PCDH11X: variants seen among roughly 807,000 people sequenced by gnomAD.
The protein encoded by PCDH11X is protocadherin-11 X-linked.
Under a neutral mutation model 53.3 loss-of-function variants are expected in PCDH11X, and 18 were observed. That is an observed-to-expected ratio of 0.34 (90% CI 0.23 to 0.50). The LOEUF is 0.50. PCDH11X is among the 20% of genes least tolerant of loss of function. The pLI is 0.98. For missense variants in PCDH11X, 570 were observed against 1,032.4 expected, an observed-to-expected ratio of 0.55 and a Z score of 6.14; for synonymous variants, 279 against 393.3, an observed-to-expected ratio of 0.71 and a Z score of 3.44.
At position 92,262,353 on chromosome X, in the gene PCDH11X, T is replaced by C. The variant is rs2067735785; in HGVS notation, c.3115-761T>C. Among the ~76,000 whole-genome samples, 4 of 111,749 alleles carry C rather than the reference T, an allele frequency of 3.6e-5. No homozygotes were observed. The South Asian group carries it at 1.5e-3, about 42-fold the overall frequency. On this transcript the variant is annotated intron_variant, in intron 7 of 10. Transcript: ENST00000682573. ...ACAGACTTTCAGGAGCATCATTAGCTGGAAATGTTGACATTTGATTCACTT... is the reference window on the plus strand; with the variant it reads ...ACAGACTTTCAGGAGCATCATTAGCCGGAAATGTTGACATTTGATTCACTT...
intron 9 of PCDH11X, 113 bp from the exon 10 acceptor site, chrX:92,468,186 G>A (rs2073193508): frequency 2.2e-6 from 2 of 916,807 alleles, no homozygotes; most frequent in African/African-American, 4.1e-5. Context: ...AAGTGAAGTA[G>A]AAAATATATT....
intron 6 of PCDH11X, among the ~76,000 whole-genome samples, chrX:92,038,481 G>T (rs140511860): frequency 8.9e-6 from 1 of 111,874 alleles, no homozygotes; most frequent in Admixed American, 9.5e-5. Context: ...CAATTGCACA[G>T]AAGTCAAGAA....
chrX:92,152,848 A>T (rs2065463675), intron 6 of PCDH11X, among the ~76,000 whole-genome samples: 1 of 110,477 alleles, frequency 9.1e-6, no homozygotes, highest in African/African-American at 3.3e-5. Context: ...CCCAGGCTGG[A>T]GTGCAGTGGC....
intron 6 of PCDH11X, among the ~76,000 whole-genome samples, chrX:92,047,681 A>T (rs967043373): frequency 9.1e-6 from 1 of 110,298 alleles, no homozygotes; most frequent in Non-Finnish European, 1.9e-5. Context: ...AAGTCAGAGT[A>T]AATAGTTTCC....
chrX:91,958,012 G>A (rs1020287947), intron 6 of PCDH11X, among the ~76,000 whole-genome samples: 1 of 110,356 alleles, frequency 9.1e-6, no homozygotes, highest in Admixed American at 9.5e-5. Context: ...AGAAACAATG[G>A]ATCAGCGTCC....
At chrX:91,847,256 C>T (rs1376049596) in intron 5 of PCDH11X, among the ~76,000 whole-genome samples, 1 of 110,583 alleles carries the variant, frequency 9.0e-6, no homozygotes, top group Non-Finnish European at 1.9e-5. Flanking sequence ...GCCTTGAACT[C>T]CTGGGCTCAA....
At chrX:91,827,694 T>C (rs1040456181) in intron 4 of PCDH11X, among the ~76,000 whole-genome samples, 5 of 111,253 alleles carry the variant, frequency 4.5e-5, no homozygotes, top group African/African-American at 1.6e-4. Context: ...CAGCCCGATT[T>C]GTTGTGTAAG....
chrX:92,133,488 T>C (rs757074041), intron 6 of PCDH11X, among the ~76,000 whole-genome samples: 1 of 111,659 alleles, frequency 9.0e-6, no homozygotes, highest in Non-Finnish European at 1.9e-5. Context: ...TGCCTCAGCC[T>C]CCCGAGTAGC....
chrX:91,976,159 C>T (rs760211753), intron 6 of PCDH11X, among the ~76,000 whole-genome samples: 1 of 111,414 alleles, frequency 9.0e-6, no homozygotes, highest in South Asian at 3.8e-4. Flanking sequence ...CTCAAGTAAT[C>T]CTCCCACCTC....
At chrX:91,915,567 A>C (rs1031875095) in intron 6 of PCDH11X, among the ~76,000 whole-genome samples, 1 of 111,417 alleles carries the variant, frequency 9.0e-6, no homozygotes, top group African/African-American at 3.3e-5. Flanking sequence ...GCAGAATTTA[A>C]AGCAACAACA....
intron 6 of PCDH11X, among the ~76,000 whole-genome samples, chrX:91,943,372 A>G (rs1427786299): frequency 9.0e-6 from 1 of 110,629 alleles, no homozygotes; most frequent in African/African-American, 3.3e-5. Flanking sequence ...CAGTATACGA[A>G]AAATCTCTGT....
intron 7 of PCDH11X, among the ~76,000 whole-genome samples, chrX:92,228,854 T>C (rs181292025): frequency 8.9e-6 from 1 of 111,982 alleles, no homozygotes; most frequent in East Asian, 2.8e-4. Flanking sequence ...AAAGTGGTGA[T>C]TAACTTTTTC....
chrX:92,041,580 G>T (rs1317043891), intron 6 of PCDH11X, among the ~76,000 whole-genome samples: 1 of 111,755 alleles, frequency 8.9e-6, no homozygotes, highest in Non-Finnish European at 1.9e-5. Context: ...ATAATTCTGA[G>T]TTCTATTCCT....
intron 10 of PCDH11X, among the ~76,000 whole-genome samples, chrX:92,487,266 T>G (rs745935653): frequency 9.2e-6 from 1 of 108,146 alleles, no homozygotes; most frequent in African/African-American, 3.4e-5. Context: ...TTGGCCAGGC[T>G]GAACTCTGAG....
At chrX:92,317,795 G>A (rs2069112442) in intron 8 of PCDH11X, among the ~76,000 whole-genome samples, 1 of 111,418 alleles carries the variant, frequency 9.0e-6, no homozygotes, top group Non-Finnish European at 1.9e-5. Flanking sequence ...AATTTAGCAA[G>A]TTACATAACT....
intron 10 of PCDH11X, among the ~76,000 whole-genome samples, chrX:92,489,986 G>C (rs1285033926): frequency 9.5e-6 from 1 of 105,438 alleles, no homozygotes; most frequent in African/African-American, 3.4e-5. Context: ...AATAGTTTTT[G>C]CAAATAAAAT....
intron 8 of PCDH11X, among the ~76,000 whole-genome samples, chrX:92,308,854 A>C (rs1338512656): frequency 9.0e-6 from 1 of 111,044 alleles, no homozygotes; most frequent in Non-Finnish European, 1.9e-5. Flanking sequence ...CAAAGATAAT[A>C]TATAAATTGC....
rs372238622 is a variant in PCDH11X, at chrX:92,140,107, T to C, written c.3034-61268T>C. 1.7e-4 allele frequency among the ~76,000 whole-genome samples: 19 copies of C among 110,733 alleles called. No individual in the cohort carries two copies. The South Asian group carries it at 6.0e-3, about 35-fold the overall frequency. On this transcript the variant is annotated intron_variant, in intron 6 of 10. Coordinates refer to ENST00000682573, the MANE Select transcript of PCDH11X (RefSeq NM_032968.5). ...AATATTTTCAAAATTTCTAAGTATA[T>C]TTCAAAAGGAGAATTTTGAAATATA...
At chrX:92,584,069 T>C (rs1924047366) in intron 10 of PCDH11X, among the ~76,000 whole-genome samples, 1 of 111,130 alleles carries the variant, frequency 9.0e-6, no homozygotes, top group African/African-American at 3.3e-5. Context: ...AGAAAATATT[T>C]TAAATGGAAT....
Sources: allele counts gnomAD v4.1 joint callset (sites outside exome capture counted in the v4.1 genomes callset), GRCh38; gene constraint gnomAD v4.1.1; transcripts MANE v1.5; gene names NCBI Gene and HGNC (gene_info 2026-07-23, HGNC 2026-07-21).